The following GALNT17 variants were observed in gnomAD, a reference collection of about 807,000 sequenced individuals.
GALNT17 encodes UDP-GalNAc:polypeptide N-acetylgalactosaminyltransferase-like 3.
Under a neutral mutation model 63.7 loss-of-function variants are expected in GALNT17, and 29 were observed. That is an observed-to-expected ratio of 0.46 (90% CI 0.34 to 0.62). The LOEUF is 0.62. Among genes scored for constraint, GALNT17 ranks in the 20% least tolerant of loss-of-function variants. The probability of loss-of-function intolerance (pLI) is 0.01; values close to 1 mark genes in which losing one functional copy is unlikely to be tolerated. For synonymous variants in GALNT17, 305 were observed against 318.3 expected, an observed-to-expected ratio of 0.96 and a Z score of 0.45; for missense variants, 603 against 799.6, an observed-to-expected ratio of 0.75 and a Z score of 2.97.
chr7:71,314,143 T>G (rs1324767551), intron 1 of GALNT17, among the ~76,000 whole-genome samples: 13 of 152,124 alleles, frequency 8.5e-5, no homozygotes, highest in South Asian at 4.1e-4. Flanking sequence ...CAAACGCAAT[T>G]GAAATATTTT....
chr7:71,575,960 T>C (rs1365589442), intron 6 of GALNT17, among the ~76,000 whole-genome samples: 1 of 152,048 alleles, frequency 6.6e-6, no homozygotes, highest in African/African-American at 2.4e-5. Flanking sequence ...AATTGAAAGG[T>C]TTCATCTTGT....
intron 1 of GALNT17, among the ~76,000 whole-genome samples, chr7:71,303,618 A>G (rs1791238841): frequency 6.6e-6 from 1 of 152,134 alleles, no homozygotes; most frequent in South Asian, 2.1e-4. Flanking sequence ...TGTTTAATAC[A>G]GTGATTACTA....
intron 1 of GALNT17, among the ~76,000 whole-genome samples, chr7:71,314,134 A>G (rs1391258370): frequency 6.6e-6 from 1 of 152,186 alleles, no homozygotes; most frequent in Non-Finnish European, 1.5e-5. Context: ...TTACAAAACC[A>G]AACGCAATTG....
intron 1 of GALNT17, among the ~76,000 whole-genome samples, chr7:71,301,519 A>G (rs946115732): frequency 1.3e-5 from 2 of 151,318 alleles, no homozygotes; most frequent in Non-Finnish European, 2.9e-5. Flanking sequence ...TACTTTTGCC[A>G]TTGTGTTGCT....
chr7:71,442,532 T>A (rs1787086958), intron 5 of GALNT17, among the ~76,000 whole-genome samples: 1 of 152,182 alleles, frequency 6.6e-6, no homozygotes, highest in African/African-American at 2.4e-5. Context: ...GTCTGAAAAT[T>A]GGGTTGGTAC....
At chr7:71,201,048 G>T (rs747547557) in intron 1 of GALNT17, among the ~76,000 whole-genome samples, 14 of 151,582 alleles carry the variant, frequency 9.2e-5, no homozygotes, top group Non-Finnish European at 1.8e-4. Context: ...GGGCTTAATG[G>T]TTTTTCTTTG....
intron 1 of GALNT17, among the ~76,000 whole-genome samples, chr7:71,298,732 GTGTGTGTA>G (rs142403078): frequency 0.041 from 5,284 of 129,128 alleles, 115 homozygotes; most frequent in Non-Finnish European, 0.066. Flanking sequence ...GTGTGTGTGT[GTGTGTGTA>G]TGTATGTGTG....
intron 5 of GALNT17, among the ~76,000 whole-genome samples, chr7:71,469,108 G>A: frequency 6.6e-6 from 1 of 152,072 alleles, no homozygotes; most frequent in East Asian, 1.9e-4. Context: ...GGTAAGTGAA[G>A]GCACAGCAGA....
intron 3 of GALNT17, among the ~76,000 whole-genome samples, chr7:71,394,168 A>G (rs1793099040): frequency 6.6e-6 from 1 of 152,186 alleles, no homozygotes; most frequent in South Asian, 2.1e-4. Context: ...GGGTTTCAGA[A>G]GCTTCCACTC....
intron 5 of GALNT17, among the ~76,000 whole-genome samples, chr7:71,556,079 A>T (rs6460673): frequency 0.35 from 52,867 of 152,192 alleles, 9,489 homozygotes; most frequent in African/African-American, 0.41. Context: ...CCCATTCATA[A>T]GTTTCAAAAT....
intron 5 of GALNT17, among the ~76,000 whole-genome samples, chr7:71,523,915 C>A (rs1010335110): frequency 4.0e-5 from 6 of 151,362 alleles, no homozygotes. Context: ...GTCAGGAGAT[C>A]GAGACCATCC....
intron 5 of GALNT17, among the ~76,000 whole-genome samples, chr7:71,456,617 A>G (rs1381622681): frequency 3.9e-5 from 6 of 151,956 alleles, no homozygotes; most frequent in Non-Finnish European, 8.8e-5. Context: ...CCAGCTACTC[A>G]GGAGGCTATG....
chr7:71,468,956 A>T (rs956227288), intron 5 of GALNT17, among the ~76,000 whole-genome samples: 52 of 152,266 alleles, frequency 3.4e-4, no homozygotes, highest in African/African-American at 1.2e-3. Context: ...AGGAGCTCAG[A>T]GATTGGTGGG....
At chr7:71,569,765 T>A (rs913791028) in intron 5 of GALNT17, among the ~76,000 whole-genome samples, 1 of 151,824 alleles carries the variant, frequency 6.6e-6, no homozygotes, top group African/African-American at 2.4e-5. Flanking sequence ...CATTTTTTTT[T>A]AATCCAGTCT....
At chr7:71,147,794 G>A (rs1744365506) in intron 1 of GALNT17, among the ~76,000 whole-genome samples, 1 of 151,926 alleles carries the variant, frequency 6.6e-6, no homozygotes, top group South Asian at 2.1e-4. Context: ...ACCACACCCG[G>A]CTAATTTTTT....
chr7:71,605,517 C>T (rs974794748), intron 6 of GALNT17, among the ~76,000 whole-genome samples: 2 of 148,902 alleles, frequency 1.3e-5, no homozygotes, highest in African/African-American at 2.5e-5. Context: ...ACCCAGGAGG[C>T]GGAGGTTGCA....
chr7:71,288,438 G>T (rs892860181), intron 1 of GALNT17, among the ~76,000 whole-genome samples: 3 of 151,954 alleles, frequency 2.0e-5, no homozygotes, highest in Non-Finnish European at 4.4e-5. Flanking sequence ...GTTTTCAGGG[G>T]TTACCTGTCC....
chr7:71,359,487 C>T (rs1792357108), intron 2 of GALNT17, among the ~76,000 whole-genome samples: 1 of 152,174 alleles, frequency 6.6e-6, no homozygotes, highest in African/African-American at 2.4e-5. Flanking sequence ...GCCCCATGAC[C>T]CAAACACCTT....
rs1184317085 is a variant in GALNT17 at position 71,552,163 on chromosome 7, G to T, written c.963-19122G>T. On this transcript the variant is annotated intron_variant, in intron 5 of 10. Transcript: ENST00000333538. ...GGGTTCAAGCAATTCTCATGCCTCA[G>T]CCTCTTGCATAGCTGGGACTACAGG... is the stretch of plus-strand genomic sequence containing the variant. Among the ~76,000 whole-genome samples, 5 of 152,042 alleles carry T rather than the reference G, an allele frequency of 3.3e-5. No homozygotes were observed. In the East Asian group the frequency reaches 9.7e-4, roughly 29 times the overall value.
Sources: gnomAD v4.1 joint callset for allele counts (sites outside exome capture counted in the v4.1 genomes callset) on GRCh38, gnomAD v4.1.1 for gene constraint, MANE v1.5 for transcripts, NCBI Gene and HGNC (gene_info 2026-07-23, HGNC 2026-07-21) for gene names.